The following SLCO2B1 variants were observed in gnomAD, a reference collection of about 807,000 sequenced individuals.
The protein encoded by SLCO2B1 is solute carrier organic anion transporter family member 2B1.
A neutral mutation model predicts 67.3 loss-of-function variants in SLCO2B1; 41 were observed. That is an observed-to-expected ratio of 0.61 (90% CI 0.47 to 0.79). The LOEUF (loss-of-function observed/expected upper bound fraction) is 0.79. Among genes scored for constraint, SLCO2B1 ranks in the 30% least tolerant of loss-of-function variants. The pLI, the probability that SLCO2B1 is intolerant of heterozygous loss-of-function variation, is 0.00. For missense variants in SLCO2B1, 837 were observed against 920.1 expected, an observed-to-expected ratio of 0.91 and a Z score of 1.17; for synonymous variants, 379 against 381.4, an observed-to-expected ratio of 0.99 and a Z score of 0.07.
chr11:75,184,600 G>A (rs548086228), intron 7 of SLCO2B1, among the ~76,000 whole-genome samples: 2 of 152,248 alleles, frequency 1.3e-5, no homozygotes, highest in East Asian at 1.9e-4. Context: ...TGCCATCCTG[G>A]CCCATATGGT....
intron 1 of SLCO2B1, chr11:75,159,756 C>G: frequency 1.1e-5 from 8 of 756,684 alleles, no homozygotes; most frequent in Non-Finnish European, 1.3e-5. Context: ...CCCAGAGGCA[C>G]AGGCTGTGGA....
intron 1 of SLCO2B1, among the ~76,000 whole-genome samples, chr11:75,161,531 C>T (rs2712816): frequency 0.44 from 67,223 of 152,002 alleles, 17,627 homozygotes; most frequent in Non-Finnish European, 0.6. Context: ...TCAGGGCCTC[C>T]GTAGCCCCCT....
At chr11:75,157,234 A>G (rs994845537) in intron 1 of SLCO2B1, 1 of 152,256 alleles carries the variant, frequency 6.6e-6, no homozygotes, top group Non-Finnish European at 1.5e-5. Context: ...CTAAAGAACA[A>G]TCAAACCATT....
chr11:75,175,200 C>T (rs756358387), intron 7 of SLCO2B1, among the ~76,000 whole-genome samples: 1 of 152,128 alleles, frequency 6.6e-6, no homozygotes, highest in Non-Finnish European at 1.5e-5. Flanking sequence ...TGATCTGCTT[C>T]CAGCAGCTCT....
intron 5 of SLCO2B1, 28 bp from the exon 6 acceptor site, chr11:75,169,638 G>T (rs765106781): frequency 2.5e-5 from 39 of 1,580,630 alleles, no homozygotes; most frequent in Non-Finnish European, 3.3e-5. Flanking sequence ...CAGGGCCAGA[G>T]GATCCTAACT....
At chr11:75,152,910 G>A (rs67904312) in intron 1 of SLCO2B1, among the ~76,000 whole-genome samples, 33,721 of 151,978 alleles carry the variant, frequency 0.22, 4,179 homozygotes, top group Admixed American at 0.37. Context: ...CTGCAGCCTG[G>A]GAAGAGTCCC....
rs1028704319 is a variant in SLCO2B1 at position 75,188,137 on chromosome 11, G to T, written c.974G>T (p.Gly325Val). 6.2e-7 allele frequency: 1 copy of T among 1,611,030 alleles called. No homozygotes were observed. The highest frequency in any genetic ancestry group is 8.5e-7 in the Non-Finnish European group (1 of 1,177,776). The change falls in exon 8 of 14, where the codon GGC (glycine) becomes GTC (valine). Residue 325 changes from glycine to valine, a missense_variant and splice_region_variant. Coordinates refer to ENST00000289575, the MANE Select transcript of SLCO2B1 (RefSeq NM_007256.5). ...TCCTTGGTTTTGTGTCTCCTTCAGG[G>T]CAAGGACTCTCCCTCTAAGCAGAGC... ...LAVTDSPARK[G>V]KDSPSKQSPG...
chr11:75,200,078 C>A, intron 10 of SLCO2B1, 146 bp from the exon 11 acceptor site: 1 of 760,804 alleles, frequency 1.3e-6, no homozygotes, highest in Non-Finnish European at 2.1e-6. Context: ...GCTCAGCCAA[C>A]GGGTCACGAT....
rs145530420 is a variant in SLCO2B1, at chr11:75,151,394, A to T, written c.13A>T (p.Ile5Leu). The T allele has an allele frequency of 3.1e-6, 5 of 1,613,676 alleles. No individual in the cohort carries two copies. The highest frequency in any genetic ancestry group is 3.3e-5 in the Admixed American group (2 of 59,958). MGPR[I>L]GPAGEVPQVP... is the part of the protein sequence containing the mutation. ...CACTCCAGCAGTCATGGGACCCAGG[A>T]TAGGTAAGTCCGAACAAATTAAGGA... The change falls in exon 1 of 14, where the codon ATA (isoleucine) becomes TTA (leucine). Residue 5 changes from isoleucine (I) to leucine (L), a missense_variant. Physicochemically the swap from Ile to Leu is conservative, Grantham distance 5. Transcript: ENST00000289575.
chr11:75,185,535 C>A (rs1464988301), intron 7 of SLCO2B1, among the ~76,000 whole-genome samples: 2 of 105,600 alleles, frequency 1.9e-5, no homozygotes, highest in Admixed American at 2.6e-4. Context: ...GAAACAGGGT[C>A]TCACTCTATC....
At position 75,202,895 on chromosome 11, in the gene SLCO2B1, T is replaced by C. The variant is rs367714732; in HGVS notation, c.1764-6T>C. The C allele has an allele frequency of 6.2e-7, 1 of 1,612,878 alleles. No individual in the cohort carries two copies. The highest frequency in any genetic ancestry group is 1.3e-5 in the African/African-American group (1 of 74,766). On this transcript the variant is annotated splice_region_variant and splice_polypyrimidine_tract_variant and intron_variant, in intron 11 of 13. Coordinates refer to ENST00000289575, the MANE Select transcript of SLCO2B1 (RefSeq NM_007256.5). ...ACCTCATGTTGCCCATGTCTCTGCT[T>C]GTTAGAGGAGTGAAGAAAGAAGACA...
rs113522429 is a variant in SLCO2B1, at chr11:75,174,137, A to T, written c.972+1568A>T. ...ATTACAAGCCAGTAATGTCAAGTTC[A>T]TTAATTTTTTTAATACTTATACACA... On this transcript the variant is annotated intron_variant, in intron 7 of 13. Coordinates refer to ENST00000289575, the MANE Select transcript of SLCO2B1 (RefSeq NM_007256.5). Among the ~76,000 whole-genome samples the T allele has an allele frequency of 3.4e-3, 512 of 152,322 alleles. 3 individuals carry two copies. Among genetic ancestry groups the T allele is most frequent in the African/African-American group, 0.012 (496 of 41,562 alleles).
In SLCO2B1 at chr11:75,183,422, G is replaced by C. The variant is rs538781732; in HGVS notation, c.973-4714G>C. 2.3e-4 allele frequency among the ~76,000 whole-genome samples: 35 copies of C among 152,266 alleles called. No homozygotes were observed. The East Asian group carries it at 5.6e-3, about 24-fold the overall frequency. ...CAGGCTGCCTTACCCAAAAAAATAAGACATGGTAGGATTTCAGTTTCCTTC... is the reference window on the plus strand; with the variant it reads ...CAGGCTGCCTTACCCAAAAAAATAACACATGGTAGGATTTCAGTTTCCTTC... On this transcript the variant is annotated intron_variant, in intron 7 of 13. Coordinates refer to ENST00000289575, the MANE Select transcript of SLCO2B1 (RefSeq NM_007256.5).
chr11:75,204,387 A>G lies in SLCO2B1; in HGVS notation c.1950-13A>G. 1 of 1,591,916 alleles carries G rather than the reference A, an allele frequency of 6.3e-7. No individual in the cohort carries two copies. Among genetic ancestry groups the G allele is most frequent in the Middle Eastern group, 1.7e-4 (1 of 5,944 alleles). On this transcript the variant is annotated splice_polypyrimidine_tract_variant and intron_variant, in intron 13 of 13. Coordinates refer to ENST00000289575, the MANE Select transcript of SLCO2B1 (RefSeq NM_007256.5). Reference sequence around the variant, plus strand: ...GCAGCTCTTGAGTTCAAGGGTCCCCATTCTTTCCCCAGGTTCATCGGCCTC... The same window carrying G: ...GCAGCTCTTGAGTTCAAGGGTCCCCGTTCTTTCCCCAGGTTCATCGGCCTC...
rs150221994 is a variant in SLCO2B1, at chr11:75,162,723, C to G, written c.85C>G (p.Pro29Ala). Residue 29 changes from proline (P) to alanine (A), a missense_variant, in exon 2 of 14, where the codon CCT (proline) becomes GCT (alanine). Pro to Ala is a conservative substitution (Grantham distance 27). Coordinates refer to ENST00000289575, the MANE Select transcript of SLCO2B1 (RefSeq NM_007256.5). ...AGCCACAATGGGCACAGAAAACACA[C>G]CTGGAGGCAAAGCCAGCCCAGACCC... ...TKATMGTENT[P>A]GGKASPDPQD... 15 of 1,613,426 alleles carry G rather than the reference C, an allele frequency of 9.3e-6. No homozygotes were observed. Among genetic ancestry groups the G allele is most frequent in the Non-Finnish European group, 1.3e-5 (15 of 1,179,574 alleles).
intron 11 of SLCO2B1, chr11:75,200,887 T>C (rs1945171247): frequency 6.5e-6 from 1 of 152,714 alleles, no homozygotes. Context: ...AGCACTGCCT[T>C]TTGGGCCAAG....
chr11:75,155,653 T>G (rs1247633308), intron 1 of SLCO2B1, among the ~76,000 whole-genome samples: 1 of 152,136 alleles, frequency 6.6e-6, no homozygotes, highest in Non-Finnish European at 1.5e-5. Context: ...AGACAGAGTT[T>G]CACCATGTTG....
At chr11:75,189,962 G>GAAAA (rs561790970) in intron 8 of SLCO2B1, among the ~76,000 whole-genome samples, 1 of 113,100 alleles carries the variant, frequency 8.8e-6, no homozygotes, top group Non-Finnish European at 1.9e-5. Context: ...ACCCTGTCTG[G>GAAAA]AAAAAAAAAA....
chr11:75,182,361 C>T lies in SLCO2B1; in HGVS notation c.973-5775C>T, dbSNP rs186523209. ...CTGGGTGACACTCCCCCTTTTGGGG[C>T]CTCAGTTTCCTCTTCTGTAAAATAG... On this transcript the variant is annotated intron_variant, in intron 7 of 13. Coordinates refer to ENST00000289575, the MANE Select transcript of SLCO2B1 (RefSeq NM_007256.5). 8.8e-3 allele frequency among the ~76,000 whole-genome samples: 1,344 copies of T among 152,308 alleles called. 8 individuals carry two copies. The highest frequency in any genetic ancestry group is 0.015 in the Non-Finnish European group (1,001 of 68,018).
Sources: allele counts gnomAD v4.1 joint callset (sites outside exome capture counted in the v4.1 genomes callset), GRCh38; gene constraint gnomAD v4.1.1; transcripts MANE v1.5; gene names NCBI Gene and HGNC (gene_info 2026-07-23, HGNC 2026-07-21).